Variants in NT5DC4 observed in about 807,000 individuals in gnomAD.
NT5DC4 encodes the protein 5'-nucleotidase domain-containing protein 4.
A neutral mutation model predicts 26.6 loss-of-function variants in NT5DC4; 44 were observed. The observed-to-expected ratio is 1.65, with a 90% CI of 1.30 to 2.13. NT5DC4 has a LOEUF of 2.13. Among genes scored for constraint, NT5DC4 ranks in the 30% most tolerant of loss-of-function variants. The pLI is 0.00. For missense variants in NT5DC4, 399 were observed against 228.1 expected, an observed-to-expected ratio of 1.75 and a Z score of -4.83; for synonymous variants, 157 against 86.7, an observed-to-expected ratio of 1.81 and a Z score of -4.51.
downstream of NT5DC4, chr2:112,740,882 G>A (rs146748331): frequency 4.3e-6 from 7 of 1,613,778 alleles, no homozygotes; most frequent in Non-Finnish European, 4.2e-6. Context: ...TTGGCTATTC[G>A]GGGTGTCGCC....
rs1018213017 is a variant in NT5DC4 at position 112,725,521 on chromosome 2, C to G, written c.1122C>G (p.Ser374=). The G allele has an allele frequency of 1.4e-6, 1 of 715,128 alleles. No individual in the cohort carries two copies. Among genetic ancestry groups the G allele is most frequent in the Non-Finnish European group, 2.6e-6 (1 of 383,758 alleles). The allele number at this position is 715,128 out of a possible 1,614,324, so 44.3% of individuals were successfully genotyped here. A position where few individuals can be genotyped will look rare whatever the true frequency, so the allele number is the denominator to read the frequency against. Reference sequence around the variant, plus strand: ...CTTGCCTGGTGGTTCCTGAGCTGTCCTGGGAGCTGGACATCTGGGCCCAGG... The same window carrying G: ...CTTGCCTGGTGGTTCCTGAGCTGTCGTGGGAGCTGGACATCTGGGCCCAGG... ...WRTCLVVPEL[S]WELDIWAQEK... The change falls in exon 13 of 17, where the codon TCC becomes TCG. Residue 374 remains serine (S), a synonymous_variant. Transcript: ENST00000688554.
chr2:112,734,450 A>C (rs191541168), intron 16 of NT5DC4, among the ~76,000 whole-genome samples: 18 of 152,130 alleles, frequency 1.2e-4, no homozygotes, highest in Admixed American at 1.2e-3. Context: ...GGCTGTTCCC[A>C]AACTCCAGAT....
Position 112,734,169 on chromosome 2 carries a change from A to ATATATGTG in NT5DC4, c.1344+4466_1344+4467insATATGTGT, listed in dbSNP as rs150412692. Among the ~76,000 whole-genome samples, 808 of 134,852 alleles carry ATATATGTG rather than the reference A, an allele frequency of 6.0e-3. 9 individuals are homozygous for ATATATGTG. Among genetic ancestry groups the ATATATGTG allele is most frequent in the South Asian group, 0.012 (49 of 3,992 alleles). The allele number at this position is 134,852 out of a possible 152,430, so 88.5% of individuals were successfully genotyped here. On this transcript the variant is annotated intron_variant, in intron 16 of 16. Transcript: ENST00000688554. ...AAGTGTTTTCTATGCTATTATATAT[A>ATATATGTG]TGTGTGTGTGTGTGTGTGTGTGTGT...
intron 1 of NT5DC4, 60 bp from the exon 2 acceptor site, chr2:112,721,758 T>G (rs749386784): frequency 1.4e-6 from 1 of 716,860 alleles, no homozygotes; most frequent in Non-Finnish European, 2.6e-6. Flanking sequence ...CCTCTGTCCT[T>G]GGGCCTTGGA....
intron 9 of NT5DC4, 30 bp from the exon 10 acceptor site, chr2:112,724,064 G>A (rs1286846880): frequency 1.4e-6 from 1 of 716,886 alleles, no homozygotes; most frequent in Non-Finnish European, 2.6e-6. Flanking sequence ...GCCCAAGCTT[G>A]GTGCCCTGAC....
intron 16 of NT5DC4, among the ~76,000 whole-genome samples, chr2:112,734,169 A>ATATGTGTGTGTGTGTGTGTGTGTG (rs150412692): frequency 5.6e-4 from 75 of 134,862 alleles, no homozygotes; most frequent in Non-Finnish European, 8.4e-4. Context: ...TATTATATAT[A>ATATGTGTGTGTGTGTGTGTGTGTG]TGTGTGTGTG....
chr2:112,725,109 C>T (rs564025722), intron 11 of NT5DC4, 65 bp from the exon 12 acceptor site: 13 of 678,998 alleles, frequency 1.9e-5, no homozygotes, highest in Admixed American at 8.5e-5. Context: ...CTCCCTGCGA[C>T]CCTCCCTAGC....
chr2:112,733,385 T>C (rs1678707503), intron 16 of NT5DC4, among the ~76,000 whole-genome samples: 1 of 144,174 alleles, frequency 6.9e-6, no homozygotes, highest in South Asian at 2.2e-4. Context: ...GAAGAATTTT[T>C]AGCTGGGCAT....
At position 112,725,389 on chromosome 2, in the gene NT5DC4, G is replaced by A. The variant is rs747259031; in HGVS notation, c.990G>A (p.Ser330=). The A allele has an allele frequency of 1.3e-5, 9 of 706,394 alleles. No individual in the cohort carries two copies. Among genetic ancestry groups the A allele is most frequent in the South Asian group, 6.0e-5 (4 of 67,202 alleles). 43.8% of individuals were successfully genotyped at this position (706,394 alleles called of 1,614,324 possible). A position where few individuals can be genotyped will look rare whatever the true frequency, so the allele number is the denominator to read the frequency against. Residue 330 remains serine (S), a synonymous_variant, in exon 13 of 17, where the codon TCG becomes TCA. Transcript: ENST00000688554. ...CTCCCCTTGGTGGGGCAGGCTCTTC[G>A]GACATGGTGTGCGAGCTGCTTGGGG... The part of the protein sequence containing the change: ...QHCAVYSGGS[S]DMVCELLGVR...
intron 16 of NT5DC4, 156 bp from the exon 17 acceptor site, chr2:112,738,757 T>C (rs759942971): frequency 7.2e-5 from 80 of 1,104,090 alleles, no homozygotes; most frequent in African/African-American, 1.6e-5. Flanking sequence ...CCAGGTCACT[T>C]GGACAAGAAT....
In NT5DC4 at chr2:112,726,738, G is replaced by A. The variant is rs1350052506; in HGVS notation, c.1266G>A (p.Gln422=). ...TCAACTTCACCAAGAGAGAGATCCA[G>A]GTGGGAGCTGGGTGGCGAGGGAAGG... ...QVINFTKREI[Q]MPHESVVEQE... The change falls in exon 15 of 17, where the codon CAG becomes CAA. Residue 422 remains glutamine, a splice_region_variant and synonymous_variant. Transcript: ENST00000688554. 1 of 717,500 alleles carries A rather than the reference G, an allele frequency of 1.4e-6. No homozygotes were observed. Among genetic ancestry groups the A allele is most frequent in the East Asian group, 2.7e-5 (1 of 37,290 alleles). The allele number at this position is 717,500 out of a possible 1,614,324, so 44.4% of individuals were successfully genotyped here.
intron 15 of NT5DC4, chr2:112,727,125 T>A: frequency 4.3e-6 from 1 of 230,572 alleles, no homozygotes; most frequent in Non-Finnish European, 9.0e-6. Context: ...AAGACAGTGT[T>A]CCCTTGTGGC....
At chr2:112,727,448 G>A (rs949779403) in intron 15 of NT5DC4, among the ~76,000 whole-genome samples, 5 of 152,234 alleles carry the variant, frequency 3.3e-5, no homozygotes, top group African/African-American at 1.2e-4. Flanking sequence ...GGGCCTGCCA[G>A]GATAGTAGGA....
rs757547315 is a variant in NT5DC4, at chr2:112,722,166, C to T, written c.267-17C>T. 99 of 581,928 alleles carry T rather than the reference C, an allele frequency of 1.7e-4. No individual in the cohort carries two copies. In the African/African-American group the frequency reaches 2.6e-3, roughly 15 times the overall value. The allele number at this position is 581,928 out of a possible 1,614,324, so 36.0% of individuals were successfully genotyped here. ...TGGTACCCCCACCCACAGTGCCCCC[C>T]GACCCCCCGTCTGCAGGCGGCTGGT... On this transcript the variant is annotated splice_polypyrimidine_tract_variant and intron_variant, in intron 3 of 16. Transcript: ENST00000688554.
chr2:112,721,749 C>T lies in NT5DC4; in HGVS notation c.75-69C>T, dbSNP rs558475170. On this transcript the variant is annotated intron_variant, in intron 1 of 16. Coordinates refer to ENST00000688554, the MANE Select transcript of NT5DC4 (RefSeq NM_001393655.1). ...CCCTCCTCTGCGGGGTTTCCACCCC[C>T]TCTGTCCTTGGGCCTTGGATTCTGG... 9.8e-4 allele frequency: 699 copies of T among 716,850 alleles called. 4 individuals carry two copies. The African/African-American group carries it at 0.011, about 12-fold the overall frequency. 44.4% of individuals were successfully genotyped at this position (716,850 alleles called of 1,614,324 possible).
upstream of NT5DC4, among the ~76,000 whole-genome samples, chr2:112,719,301 G>A (rs1162179819): frequency 1.3e-5 from 2 of 152,288 alleles, no homozygotes; most frequent in East Asian, 1.9e-4. Flanking sequence ...GCGGAACATC[G>A]TTCCGCAGCA....
intron 10 of NT5DC4, 197 bp downstream of exon 10, chr2:112,724,323 AG>A (rs1306088631): frequency 9.6e-6 from 6 of 623,098 alleles, no homozygotes; most frequent in Non-Finnish European, 5.8e-6. Context: ...AGGCCCTGGG[AG>A]GAGCCTTTGG....
In NT5DC4 at chr2:112,722,553, T is replaced by G. The variant is rs1420533116; in HGVS notation, c.433T>G (p.Cys145Gly). Residue 145 changes from cysteine (C) to glycine (G), a missense_variant, in exon 5 of 17, where the codon TGT (cysteine) becomes GGT (glycine). Transcript: ENST00000688554. ...GTTCATTCAGAGGGACGACCTGCAG[T>G]GTTTCTACATACTCAACATGCTCTT... Reference protein sequence around the residue: ...SKFIQRDDLQCFYILNMLFNL... With the variant: ...SKFIQRDDLQGFYILNMLFNL... The G allele has an allele frequency of 1.4e-6, 1 of 717,354 alleles. No individual in the cohort carries two copies. Among genetic ancestry groups the G allele is most frequent in the Non-Finnish European group, 2.6e-6 (1 of 385,042 alleles). 44.4% of individuals were successfully genotyped at this position (717,354 alleles called of 1,614,324 possible).
rs1185320670 is a variant in NT5DC4, at chr2:112,725,245, C to A, written c.982+5C>A. The A allele has an allele frequency of 2.8e-6, 2 of 709,084 alleles. No individual in the cohort carries two copies. The allele number at this position is 709,084 out of a possible 1,614,324, so 43.9% of individuals were successfully genotyped here. A position where few individuals can be genotyped will look rare whatever the true frequency, so the allele number is the denominator to read the frequency against. ...ACTGTGCTGTCTACTCTGGAGGTAC[C>A]AGCTCCCACCATGCCCCATCACTCC... On this transcript the variant is annotated splice_donor_5th_base_variant and intron_variant, in intron 12 of 16. Coordinates refer to ENST00000688554, the MANE Select transcript of NT5DC4 (RefSeq NM_001393655.1).
Sources: gnomAD v4.1 joint callset for allele counts (sites outside exome capture counted in the v4.1 genomes callset) on GRCh38, gnomAD v4.1.1 for gene constraint, MANE v1.5 for transcripts, NCBI Gene and HGNC (gene_info 2026-07-23, HGNC 2026-07-21) for gene names.